Variants in MAML2 observed in about 807,000 individuals in gnomAD.
The protein encoded by MAML2 is mastermind like transcriptional coactivator 2.
MAML2 carries 22 observed loss-of-function variants against 96.1 expected under a neutral mutation model. That is an observed-to-expected ratio of 0.23 (90% confidence interval 0.16 to 0.33). MAML2 has a LOEUF of 0.33. Ranked by LOEUF, MAML2 falls within the 10% of genes least tolerant of loss-of-function variation. MAML2 has a pLI of 1.00. For missense variants in MAML2, 1,367 were observed against 1,392.4 expected (o/e 0.98, Z 0.29); for synonymous variants, 561 against 521.3 (o/e 1.08, Z -1.04).
In MAML2 at chr11:95,991,665, G is replaced by A. The variant is rs185471680; in HGVS notation, c.2198C>T (p.Ser733Leu). ...TGPSPSPNPC[S>L]NPNTGSGYMN... ...GTAACCACTTCCAGTGTTTGGATTT[G>A]AGCAGGGGTTAGGACTTGGACTGGG... The change falls in exon 3 of 5, where the codon TCA (serine) becomes TTA (leucine). Residue 733 changes from serine to leucine, a missense_variant. Transcript: ENST00000524717. 6.2e-7 allele frequency: 1 copy of A among 1,613,702 alleles called. No homozygotes were observed. The highest frequency in any genetic ancestry group is 2.2e-5 in the East Asian group (1 of 44,878).
At chr11:96,268,762 C>CTGGAGTCTCTACCAGATAT (rs1555033103) in intron 1 of MAML2, among the ~76,000 whole-genome samples, 19 of 108,188 alleles carry the variant, frequency 1.8e-4, no homozygotes, top group Admixed American at 5.7e-4. Flanking sequence ...AGGGGAGTTC[C>CTGGAGTCTCTACCAGATAT]CCTGCACACG....
At chr11:96,318,979 A>T (rs1863667986) in intron 1 of MAML2, among the ~76,000 whole-genome samples, 1 of 152,076 alleles carries the variant, frequency 6.6e-6, no homozygotes, top group African/African-American at 2.4e-5. Context: ...CTTCTCCCAC[A>T]CTGTTCCTGG....
intron 1 of MAML2, among the ~76,000 whole-genome samples, chr11:96,195,024 G>A (rs1861709338): frequency 6.6e-6 from 1 of 152,116 alleles, no homozygotes; most frequent in Non-Finnish European, 1.5e-5. Flanking sequence ...GTCTATGAGG[G>A]CAAATGAAAT....
intron 1 of MAML2, among the ~76,000 whole-genome samples, chr11:96,158,950 C>T (rs1262306687): frequency 1.3e-5 from 2 of 152,136 alleles, no homozygotes; most frequent in Admixed American, 6.5e-5. Context: ...CCTCTAACAC[C>T]GGAGTAGAGC....
intron 2 of MAML2, among the ~76,000 whole-genome samples, chr11:96,041,059 C>G (rs1858799660): frequency 6.6e-6 from 1 of 152,168 alleles, no homozygotes. Flanking sequence ...ATTTACCCTT[C>G]CAGTTGCTGA....
intron 1 of MAML2, among the ~76,000 whole-genome samples, chr11:96,263,351 G>A (rs1862777930): frequency 1.3e-5 from 2 of 152,104 alleles, no homozygotes; most frequent in Non-Finnish European, 2.9e-5. Flanking sequence ...AAGATAACTT[G>A]GAATAAACAG....
At chr11:96,077,894 A>T (rs1859469038) in intron 2 of MAML2, among the ~76,000 whole-genome samples, 1 of 152,224 alleles carries the variant, frequency 6.6e-6, no homozygotes, top group South Asian at 2.1e-4. Flanking sequence ...ACTGGTGTGG[A>T]TGGGCATTTG....
intron 2 of MAML2, among the ~76,000 whole-genome samples, chr11:96,075,623 G>T (rs1358984395): frequency 6.6e-6 from 1 of 152,188 alleles, no homozygotes. Flanking sequence ...ATTCTGGAAG[G>T]TATAATGTAA....
chr11:96,243,343 C>T (rs936488341), intron 1 of MAML2, among the ~76,000 whole-genome samples: 2 of 152,128 alleles, frequency 1.3e-5, no homozygotes, highest in Non-Finnish European at 2.9e-5. Flanking sequence ...GGTTGGCTGT[C>T]GGGAATTGCC....
At chr11:96,129,871 T>C (rs1860517420) in intron 1 of MAML2, among the ~76,000 whole-genome samples, 1 of 152,188 alleles carries the variant, frequency 6.6e-6, no homozygotes, top group African/African-American at 2.4e-5. Flanking sequence ...GAACATGCAA[T>C]ATTTGGTTTA....
At chr11:96,210,651 T>C (rs780126905) in intron 1 of MAML2, among the ~76,000 whole-genome samples, 6 of 152,284 alleles carry the variant, frequency 3.9e-5, no homozygotes, top group Non-Finnish European at 8.8e-5. Context: ...AGGAACTGTG[T>C]CAAAGAGATA....
chr11:96,334,232 T>C (rs1863888750), intron 1 of MAML2, among the ~76,000 whole-genome samples: 1 of 152,204 alleles, frequency 6.6e-6, no homozygotes, highest in Non-Finnish European at 1.5e-5. Flanking sequence ...GTCTGATGCA[T>C]TACTGGAAAC....
At chr11:96,167,760 C>T (rs1242510210) in intron 1 of MAML2, among the ~76,000 whole-genome samples, 6 of 152,184 alleles carry the variant, frequency 3.9e-5, no homozygotes, top group Non-Finnish European at 8.8e-5. Flanking sequence ...TTTTGAGCAC[C>T]TAATATTTGT....
chr11:96,035,888 A>G (rs151313317), intron 2 of MAML2, among the ~76,000 whole-genome samples: 1 of 152,174 alleles, frequency 6.6e-6, no homozygotes, highest in Non-Finnish European at 1.5e-5. Flanking sequence ...GGCAAGTTAC[A>G]TAACCTCTCT....
intron 1 of MAML2, among the ~76,000 whole-genome samples, chr11:96,337,454 A>G (rs1357782558): frequency 6.6e-6 from 1 of 152,224 alleles, no homozygotes; most frequent in African/African-American, 2.4e-5. Flanking sequence ...TAACTCTCCC[A>G]TGCATTTGTG....
At chr11:96,290,179 A>G (rs1863189949) in intron 1 of MAML2, among the ~76,000 whole-genome samples, 1 of 152,176 alleles carries the variant, frequency 6.6e-6, no homozygotes, top group Non-Finnish European at 1.5e-5. Context: ...AGGGCACTTA[A>G]TGGTCTTCAT....
intron 1 of MAML2, among the ~76,000 whole-genome samples, chr11:96,311,000 C>T (rs1387169950): frequency 1.3e-5 from 2 of 152,190 alleles, no homozygotes; most frequent in Admixed American, 1.3e-4. Context: ...TGTCTAGGCA[C>T]CAAGCTAAGT....
At chr11:96,142,621 A>G (rs2135867893) in intron 1 of MAML2, among the ~76,000 whole-genome samples, 1 of 152,334 alleles carries the variant, frequency 6.6e-6, no homozygotes, top group South Asian at 2.1e-4. Context: ...TGCACTTTGA[A>G]AGTCCTTTTA....
chr11:96,108,953 G>A (rs1270369993), intron 1 of MAML2, among the ~76,000 whole-genome samples: 2 of 151,480 alleles, frequency 1.3e-5, no homozygotes, highest in African/African-American at 4.9e-5. Context: ...GATCGCTTGA[G>A]CCCAAGAGAA....
Sources: gnomAD v4.1 joint callset for allele counts (sites outside exome capture counted in the v4.1 genomes callset) on GRCh38, gnomAD v4.1.1 for gene constraint, MANE v1.5 for transcripts, NCBI Gene and HGNC (gene_info 2026-07-23, HGNC 2026-07-21) for gene names.